The following GBE1 variants were observed in gnomAD, a reference collection of about 807,000 sequenced individuals.
GBE1 encodes 1,4-alpha-glucan-branching enzyme.
Under a neutral mutation model 88.8 loss-of-function variants are expected in GBE1, and 70 were observed. The observed-to-expected ratio is 0.79, with a 90% CI of 0.65 to 0.96. The LOEUF (loss-of-function observed/expected upper bound fraction) is 0.96. Among genes scored for constraint, GBE1 ranks in the 40% least tolerant of loss-of-function variants. The pLI is 0.00. For missense variants in GBE1, 872 were observed against 871.0 expected, an observed-to-expected ratio of 1.00 and a Z score of -0.01; for synonymous variants, 284 against 300.1, an observed-to-expected ratio of 0.95 and a Z score of 0.56.
At chr3:81,553,371 A>T (rs1703301526) in intron 12 of GBE1, among the ~76,000 whole-genome samples, 1 of 151,888 alleles carries the variant, frequency 6.6e-6, no homozygotes, top group African/African-American at 2.4e-5. Context: ...TTTAAATAGC[A>T]TTATGCTGTG....
chr3:81,626,830 C>T (rs977393384), intron 7 of GBE1, among the ~76,000 whole-genome samples: 2 of 151,636 alleles, frequency 1.3e-5, no homozygotes, highest in African/African-American at 2.4e-5. Context: ...ATAGCACTTA[C>T]TTGGAGATTC....
At chr3:81,756,709 G>A (rs1706607454) in intron 1 of GBE1, among the ~76,000 whole-genome samples, 1 of 152,104 alleles carries the variant, frequency 6.6e-6, no homozygotes, top group Non-Finnish European at 1.5e-5. Context: ...TCTCTAAGCT[G>A]TGTCCCAAAA....
intron 7 of GBE1, among the ~76,000 whole-genome samples, chr3:81,632,488 A>C (rs1704529103): frequency 6.6e-6 from 1 of 152,224 alleles, no homozygotes; most frequent in Admixed American, 6.5e-5. Context: ...AGAGAAATGC[A>C]AATCAAAACC....
In GBE1 at chr3:81,745,092, T is replaced by C. The variant is rs1329309957; in HGVS notation, c.143+16283A>G. Reference sequence around the variant, plus strand: ...GGTAGGACGCCTATCTTACTCATATTTGTTCTGCTATCATATAGAAAAGTG... The same window carrying C: ...GGTAGGACGCCTATCTTACTCATATCTGTTCTGCTATCATATAGAAAAGTG... On this transcript the variant is annotated intron_variant, in intron 1 of 15. Coordinates refer to ENST00000429644, the MANE Select transcript of GBE1 (RefSeq NM_000158.4). Among the ~76,000 whole-genome samples, 4 of 152,202 alleles carry C rather than the reference T, an allele frequency of 2.6e-5. No individual in the cohort carries two copies. In the East Asian group the frequency reaches 7.7e-4, roughly 29 times the overall value.
intron 12 of GBE1, among the ~76,000 whole-genome samples, chr3:81,554,340 C>T (rs1319986380): frequency 6.6e-6 from 1 of 152,146 alleles, no homozygotes; most frequent in African/African-American, 2.4e-5. Flanking sequence ...AGATTCCACA[C>T]CATTTTAAGC....
chr3:81,551,496 T>C (rs1283367687), intron 12 of GBE1, among the ~76,000 whole-genome samples: 1 of 152,178 alleles, frequency 6.6e-6, no homozygotes, highest in Non-Finnish European at 1.5e-5. Flanking sequence ...CTCTGCTCAC[T>C]GAGGTCAATG....
At position 81,649,854 on chromosome 3, in the gene GBE1, C is replaced by T. The variant is rs935683673; in HGVS notation, c.497G>A (p.Arg166His). The T allele has an allele frequency of 5.6e-6, 9 of 1,611,362 alleles. No homozygotes were observed. The highest frequency in any genetic ancestry group is 3.3e-5 in the Admixed American group (2 of 59,904). ...RISPWAKYVV[R>H]EGDNVNYDWI... ...ATCATAATTCACATTATCACCTTCACGAACCACATACTTTGCCCACGGTGA... is the reference window on the plus strand; with the variant it reads ...ATCATAATTCACATTATCACCTTCATGAACCACATACTTTGCCCACGGTGA... Residue 166 changes from arginine to histidine, a missense_variant, in exon 4 of 16, where the codon CGT becomes CAT. Arg to His is a conservative substitution (Grantham distance 29). Coordinates refer to ENST00000429644, the MANE Select transcript of GBE1 (RefSeq NM_000158.4).
At chr3:81,717,903 A>T (rs1333714024) in intron 1 of GBE1, among the ~76,000 whole-genome samples, 1 of 152,090 alleles carries the variant, frequency 6.6e-6, no homozygotes, top group African/African-American at 2.4e-5. Flanking sequence ...TTCTTAAAAT[A>T]AAATGCAGGG....
chr3:81,625,210 A>G (rs1704396271), intron 7 of GBE1, among the ~76,000 whole-genome samples: 1 of 152,138 alleles, frequency 6.6e-6, no homozygotes, highest in Non-Finnish European at 1.5e-5. Flanking sequence ...TCAGGTCTTT[A>G]TCAGTTAAGA....
chr3:81,502,595 A>G (rs1702603125), intron 14 of GBE1, among the ~76,000 whole-genome samples: 1 of 152,190 alleles, frequency 6.6e-6, no homozygotes, highest in Admixed American at 6.6e-5. Flanking sequence ...GTGAATTGCT[A>G]TCATATATTA....
At chr3:81,575,246 T>A (rs1195031414) in intron 12 of GBE1, among the ~76,000 whole-genome samples, 2 of 151,986 alleles carry the variant, frequency 1.3e-5, no homozygotes, top group Non-Finnish European at 2.9e-5. Flanking sequence ...CCCTTCTATA[T>A]TCAATTATTT....
intron 12 of GBE1, among the ~76,000 whole-genome samples, chr3:81,567,322 G>A (rs904127848): frequency 7.2e-5 from 11 of 152,072 alleles, no homozygotes; most frequent in Middle Eastern, 3.2e-3. Context: ...TCTTTGTTGA[G>A]ATATCAGTGT....
chr3:81,680,005 C>T (rs1219141136), intron 2 of GBE1, among the ~76,000 whole-genome samples: 1 of 152,154 alleles, frequency 6.6e-6, no homozygotes, highest in African/African-American at 2.4e-5. Flanking sequence ...TCTTACCCTC[C>T]CTCTCAGAGC....
chr3:81,605,450 C>T (rs1292897068), intron 7 of GBE1, among the ~76,000 whole-genome samples: 2 of 152,138 alleles, frequency 1.3e-5, no homozygotes, highest in African/African-American at 4.8e-5. Flanking sequence ...ACTTCTCAAG[C>T]TTGGGTGCTT....
intron 7 of GBE1, among the ~76,000 whole-genome samples, chr3:81,637,076 T>C (rs1317728728): frequency 3.9e-5 from 6 of 152,176 alleles, no homozygotes; most frequent in African/African-American, 1.4e-4. Flanking sequence ...TAAAGTTTCA[T>C]GTATAAATTA....
chr3:81,669,799 C>T (rs150566608), intron 3 of GBE1, among the ~76,000 whole-genome samples: 1 of 152,146 alleles, frequency 6.6e-6, no homozygotes, highest in African/African-American at 2.4e-5. Context: ...TGCTAAACAT[C>T]TTCTTATCCC....
intron 1 of GBE1, among the ~76,000 whole-genome samples, chr3:81,718,137 G>A (rs955527150): frequency 1.3e-5 from 2 of 151,750 alleles, no homozygotes; most frequent in South Asian, 2.1e-4. Flanking sequence ...GCGCCACCAC[G>A]CCTGGCCAAT....
rs1434243429 is a variant in GBE1 at position 81,593,995 on chromosome 3, T to C, written c.1021A>G (p.Asn341Asp). Residue 341 changes from asparagine to aspartate, a missense_variant, in exon 8 of 16, where the codon AAC becomes GAC. Physicochemically the swap from Asn to Asp is conservative, Grantham distance 23. Transcript: ENST00000429644. ...SWEILRFLLSNIRWWLEEYRF... is the reference protein window; with the variant it reads ...SWEILRFLLSDIRWWLEEYRF... ...TATTCTTCCAACCACCATCTTATGTTTGACAGAAGGAATCTTAAAATTTCC... is the reference window on the plus strand; with the variant it reads ...TATTCTTCCAACCACCATCTTATGTCTGACAGAAGGAATCTTAAAATTTCC... 4 of 1,573,448 alleles carry C rather than the reference T, an allele frequency of 2.5e-6. No individual in the cohort carries two copies. The highest frequency in any genetic ancestry group is 1.8e-5 in the Admixed American group (1 of 55,262).
intron 2 of GBE1, among the ~76,000 whole-genome samples, chr3:81,705,059 T>C (rs1036663329): frequency 6.6e-6 from 1 of 152,134 alleles, no homozygotes; most frequent in African/African-American, 2.4e-5. Flanking sequence ...CCAAGAACTA[T>C]GATGCCAGCC....
Sources: gnomAD v4.1 joint callset for allele counts (sites outside exome capture counted in the v4.1 genomes callset) on GRCh38, gnomAD v4.1.1 for gene constraint, MANE v1.5 for transcripts, NCBI Gene and HGNC (gene_info 2026-07-23, HGNC 2026-07-21) for gene names.